The following DGKK variants were observed in gnomAD, a reference collection of about 807,000 sequenced individuals.
DGKK encodes 142 kDa diacylglycerol kinase.
In DGKK, 35 loss-of-function variants were observed where a neutral mutation model predicts 92.2. The observed-to-expected ratio is 0.38, with a 90% confidence interval of 0.29 to 0.50. The LOEUF (loss-of-function observed/expected upper bound fraction) is 0.50, where lower values mean the gene tolerates loss of function less well. Among genes scored for constraint, DGKK ranks in the 20% least tolerant of loss-of-function variants. DGKK has a pLI of 0.92. For missense variants in DGKK, 910 were observed against 992.2 expected (o/e 0.92, Z 1.11); for synonymous variants, 368 against 360.6 (o/e 1.02, Z -0.23).
At chrX:50,459,326 C>T (rs782646688) in intron 1 of DGKK, among the ~76,000 whole-genome samples, 17 of 110,994 alleles carry the variant, frequency 1.5e-4, no homozygotes, top group Non-Finnish European at 2.5e-4. Context: ...CCCTGCTATA[C>T]GGAGTACAAA....
chrX:50,369,506 C>T (rs782221858), intron 27 of DGKK, among the ~76,000 whole-genome samples: 288 of 105,077 alleles, frequency 2.7e-3, no homozygotes, highest in Non-Finnish European at 4.2e-3. Context: ...TTTATTCTTC[C>T]TCTTTTTTTC....
chrX:50,466,370 G>GA (rs1926910849), intron 1 of DGKK, among the ~76,000 whole-genome samples: 1 of 111,254 alleles, frequency 9.0e-6, no homozygotes, highest in Admixed American at 9.5e-5. Flanking sequence ...GTTCACTTAG[G>GA]AAAAAAATTT....
intron 3 of DGKK, among the ~76,000 whole-genome samples, chrX:50,421,173 C>A (rs1925577267): frequency 9.0e-6 from 1 of 111,389 alleles, no homozygotes; most frequent in Non-Finnish European, 1.9e-5. Context: ...CTGCTTGGCA[C>A]AAGAACCCAG....
At position 50,470,341 on chromosome X, in the gene DGKK, G is replaced by A. The variant is rs1321855524; in HGVS notation, c.338C>T (p.Pro113Leu). The change falls in exon 1 of 28, where the codon CCG (proline) becomes CTG (leucine). Residue 113 changes from proline to leucine, a missense_variant. Coordinates refer to ENST00000611977, the MANE Select transcript of DGKK (RefSeq NM_001013742.4). ...AGACTCTGTGGCAGGTTCTGGGGCCGGTTCTGGGGCCGGCTCTGTGGCAGG... is the reference window on the plus strand; with the variant it reads ...AGACTCTGTGGCAGGTTCTGGGGCCAGTTCTGGGGCCGGCTCTGTGGCAGG... ...PEPATEPAPE[P>L]APEPATESAP... 8.3e-7 allele frequency: 1 copy of A among 1,206,327 alleles called. No homozygotes were observed. The highest frequency in any genetic ancestry group is 1.8e-5 in the African/African-American group (1 of 56,630).
rs782329508 is a variant in DGKK at position 50,404,437 on chromosome X, G to T, written c.943-253C>A. Among the ~76,000 whole-genome samples the T allele has an allele frequency of 2.2e-4, 23 of 106,307 alleles. No homozygotes were observed. The East Asian group carries it at 6.8e-3, about 31-fold the overall frequency. 92.3% of individuals were successfully genotyped at this position (106,307 alleles called of 115,157 possible). A position where few individuals can be genotyped will look rare whatever the true frequency, so the allele number is the denominator to read the frequency against. On this transcript the variant is annotated intron_variant, in intron 4 of 27. Coordinates refer to ENST00000611977, the MANE Select transcript of DGKK (RefSeq NM_001013742.4). ...CCTGGAATAGAAGCTGAAGGCAGGAGTAATTATCTTTTTTTTTTTTTTTTT... is the reference window on the plus strand; with the variant it reads ...CCTGGAATAGAAGCTGAAGGCAGGATTAATTATCTTTTTTTTTTTTTTTTT...
At chrX:50,459,266 T>C (rs993476400) in intron 1 of DGKK, among the ~76,000 whole-genome samples, 2 of 111,218 alleles carry the variant, frequency 1.8e-5, no homozygotes, top group Non-Finnish European at 3.8e-5. Flanking sequence ...TACCTAATTA[T>C]TGAACACTTA....
chrX:50,391,162 G>A (rs1569544338), intron 11 of DGKK, among the ~76,000 whole-genome samples: 1 of 110,868 alleles, frequency 9.0e-6, no homozygotes, highest in African/African-American at 3.3e-5. Flanking sequence ...CTGTTGCCCA[G>A]ACTGGAATGC....
rs573834656 is a variant in DGKK, at chrX:50,398,867, A to T, written c.1411+2170T>A. On this transcript the variant is annotated intron_variant, in intron 8 of 27. Coordinates refer to ENST00000611977, the MANE Select transcript of DGKK (RefSeq NM_001013742.4). ...ATGTCTCAGATTCAAAACTAGGTTG[A>T]TTTCACTACCAGCCTGATTTTGCTC... 3.6e-5 allele frequency among the ~76,000 whole-genome samples: 4 copies of T among 111,517 alleles called. No homozygotes were observed. The South Asian group carries it at 1.5e-3, about 42-fold the overall frequency.
rs370935273 is a variant in DGKK at position 50,401,990 on chromosome X, C to T, written c.1309-851G>A. Among the ~76,000 whole-genome samples, 53 of 111,488 alleles carry T rather than the reference C, an allele frequency of 4.8e-4. 1 individual carries two copies. In the East Asian group the frequency reaches 7.0e-3, roughly 15 times the overall value. ...GCCTCTACCCACTCCATGTCAGTAG[C>T]GCTTCCCTCCACCCTGAGTTGCAAA... On this transcript the variant is annotated intron_variant, in intron 7 of 27. Coordinates refer to ENST00000611977, the MANE Select transcript of DGKK (RefSeq NM_001013742.4).
Position 50,386,352 on chromosome X carries a change from C to T in DGKK, c.2347+6G>A, listed in dbSNP as rs1557224950. The T allele has an allele frequency of 8.3e-7, 1 of 1,199,753 alleles. No homozygotes were observed. The highest frequency in any genetic ancestry group is 3.0e-5 in the East Asian group (1 of 33,773). On this transcript the variant is annotated splice_donor_region_variant and intron_variant, in intron 15 of 27. Coordinates refer to ENST00000611977, the MANE Select transcript of DGKK (RefSeq NM_001013742.4). The stretch of plus-strand genomic sequence containing the variant: ...ACCTCAGTCACTACAACCCTGGCCA[C>T]CTTACCTTGTTCAACTTGAAATATG...
At chrX:50,468,929 G>A (rs1863112087) in intron 1 of DGKK, among the ~76,000 whole-genome samples, 1 of 110,092 alleles carries the variant, frequency 9.1e-6, no homozygotes, top group African/African-American at 3.3e-5. Context: ...CTAAATTGAG[G>A]TGTGTGTGTG....
chrX:50,378,019 G>A (rs1278589129), intron 22 of DGKK, 79 bp downstream of exon 22: 3 of 1,078,316 alleles, frequency 2.8e-6, no homozygotes, highest in Admixed American at 6.1e-5. Flanking sequence ...GAGGAATTCT[G>A]CTTGAGTGGA....
At chrX:50,392,279 TGG>T in intron 10 of DGKK, 60 bp downstream of exon 10, 1 of 880,147 alleles carries the variant, frequency 1.1e-6, no homozygotes, top group Non-Finnish European at 1.6e-6. Flanking sequence ...CTTCTTGGGA[TGG>T]GCAGCTGCAC....
At chrX:50,403,272 G>A in intron 6 of DGKK, 89 bp from the exon 7 acceptor site, 3 of 1,075,837 alleles carry the variant, frequency 2.8e-6, no homozygotes, top group Non-Finnish European at 3.7e-6. Flanking sequence ...ACTCCATGGA[G>A]GACATTAGGT....
intron 2 of DGKK, among the ~76,000 whole-genome samples, chrX:50,422,736 CA>C (rs1238775884): frequency 7.2e-5 from 8 of 110,801 alleles, no homozygotes; most frequent in African/African-American, 2.3e-4. Flanking sequence ...ATCATGTGAC[CA>C]AAAAATGAAA....
intron 1 of DGKK, among the ~76,000 whole-genome samples, chrX:50,446,807 C>T (rs1557231916): frequency 9.0e-6 from 1 of 110,891 alleles, no homozygotes. Flanking sequence ...TTTGGAGAAA[C>T]GTTCTTCATG....
At chrX:50,388,772 G>A (rs782720937) in intron 12 of DGKK, among the ~76,000 whole-genome samples, 154 bp from the exon 13 acceptor site, 1 of 111,921 alleles carries the variant, frequency 8.9e-6, no homozygotes, top group African/African-American at 3.2e-5. Flanking sequence ...AATTCTTGTT[G>A]AAGGTCAACA....
intron 10 of DGKK, among the ~76,000 whole-genome samples, chrX:50,391,927 G>A (rs1204150475): frequency 8.9e-6 from 1 of 112,390 alleles, no homozygotes; most frequent in Admixed American, 9.4e-5. Context: ...ACTGGAGTGA[G>A]AAGAGCAAGG....
chrX:50,466,017 C>CTT (rs72090197), intron 1 of DGKK, among the ~76,000 whole-genome samples: 2 of 42,791 alleles, frequency 4.7e-5, no homozygotes, highest in African/African-American at 9.7e-5. Context: ...TTTCTTTTTT[C>CTT]TTTTTTTTTT....
Sources: gnomAD v4.1 joint callset for allele counts (sites outside exome capture counted in the v4.1 genomes callset) on GRCh38, gnomAD v4.1.1 for gene constraint, MANE v1.5 for transcripts, NCBI Gene and HGNC (gene_info 2026-07-23, HGNC 2026-07-21) for gene names.